Variants in PDZD9 observed in about 807,000 individuals in gnomAD.
The protein encoded by PDZD9 is PDZ domain containing 9, also known as PDZ domain-containing protein 9.
Under a neutral mutation model 16.3 loss-of-function variants are expected in PDZD9, and 13 were observed. That is an observed-to-expected ratio of 0.80 (90% CI 0.52 to 1.27). The LOEUF is 1.27. PDZD9 is among the 50% of genes most tolerant of loss of function. PDZD9 has a pLI of 0.00. For missense variants in PDZD9, 288 were observed against 310.9 expected (o/e 0.93, Z 0.55); for synonymous variants, 120 against 111.0 (o/e 1.08, Z -0.51).
chr16:21,992,793 C>G (rs1341448632), intron 2 of PDZD9, among the ~76,000 whole-genome samples: 1 of 152,114 alleles, frequency 6.6e-6, no homozygotes, highest in East Asian at 1.9e-4. Context: ...CCCTGCTCTT[C>G]AGCTTGCAGA....
chr16:21,971,938 A>G, the PDZD9 span: 1 of 1,614,162 alleles, frequency 6.2e-7, no homozygotes, highest in Non-Finnish European at 8.5e-7. Flanking sequence ...ATCCGAGAAC[A>G]GAATGGAGAC....
chr16:21,976,104 T>A, the PDZD9 span: 1 of 1,125,626 alleles, frequency 8.9e-7, no homozygotes, highest in Non-Finnish European at 1.3e-6. Context: ...TAAAGAAGTG[T>A]GTCAGTGCTG....
the PDZD9 span, among the ~76,000 whole-genome samples, chr16:21,963,718 C>G: frequency 6.6e-6 from 1 of 152,124 alleles, no homozygotes; most frequent in Admixed American, 6.5e-5. Context: ...ATCCTCCCAC[C>G]TCAGCTTCCC....
At chr16:21,982,206 C>T (rs1898748964), downstream of PDZD9, among the ~76,000 whole-genome samples, 1 of 152,054 alleles carries the variant, frequency 6.6e-6, no homozygotes, top group African/African-American at 2.4e-5. Flanking sequence ...CCCAACCCGA[C>T]TGCTTCCACC....
chr16:21,967,994 T>C, the PDZD9 span, among the ~76,000 whole-genome samples: 1 of 151,798 alleles, frequency 6.6e-6, no homozygotes, highest in African/African-American at 2.4e-5. Flanking sequence ...TAATTTCTTT[T>C]TATTCCTTTT....
In PDZD9 at chr16:21,984,548, C is replaced by T; in HGVS notation, c.514G>A (p.Val172Met). Residue 172 changes from valine to methionine, a missense_variant, in exon 4 of 4, where the codon GTG becomes ATG. Transcript: ENST00000424898. ...ATTGGTCTCCTTGCAGGGTGATGCA[C>T]AGTTGACCACGGATATCTATAATAT... ...LQYYRYPWSTVHHPARRPISI... is the reference protein window; with the variant it reads ...LQYYRYPWSTMHHPARRPISI... The T allele has an allele frequency of 6.3e-7, 1 of 1,596,372 alleles. No homozygotes were observed.
chr16:21,987,576 G>A (rs1597976369), intron 3 of PDZD9, among the ~76,000 whole-genome samples: 1 of 152,214 alleles, frequency 6.6e-6, no homozygotes, highest in African/African-American at 2.4e-5. Flanking sequence ...GGAGTGTGGT[G>A]TCACAGAAGC....
intron 3 of PDZD9, among the ~76,000 whole-genome samples, chr16:21,984,936 G>A (rs764711749): frequency 6.6e-6 from 1 of 152,160 alleles, no homozygotes; most frequent in Non-Finnish European, 1.5e-5. Flanking sequence ...ATATTAGGAG[G>A]TGTTAAAGGG....
Position 21,991,248 on chromosome 16 carries a change from T to C in PDZD9, c.212-2457A>G, listed in dbSNP as rs1481742094. Among the ~76,000 whole-genome samples, 5 of 151,738 alleles carry C rather than the reference T, an allele frequency of 3.3e-5. No homozygotes were observed. In the South Asian group the frequency reaches 6.2e-4, roughly 19 times the overall value. ...CTACATTAATTTCTTTTTTTTTTTT[T>C]CTCCTGAGACAGGGTCTCACTTTGT... On this transcript the variant is annotated intron_variant, in intron 2 of 3. Transcript: ENST00000424898.
chr16:21,961,201 A>G, the PDZD9 span: 2 of 283,262 alleles, frequency 7.1e-6, no homozygotes, highest in South Asian at 2.9e-5. Context: ...AGGAGTATAA[A>G]TTGATACAAC....
chr16:21,967,770 G>T, the PDZD9 span, among the ~76,000 whole-genome samples: 1 of 152,136 alleles, frequency 6.6e-6, no homozygotes, highest in Non-Finnish European at 1.5e-5. Context: ...CCCTGGTATA[G>T]ACAATGACTT....
downstream of PDZD9, chr16:21,983,273 C>A: frequency 9.4e-7 from 1 of 1,060,052 alleles, no homozygotes; most frequent in Non-Finnish European, 1.4e-6. Flanking sequence ...GTCTTTTTTC[C>A]AGTGAGGTAA....
At chr16:21,971,264 C>A in the PDZD9 span, among the ~76,000 whole-genome samples, 1 of 151,918 alleles carries the variant, frequency 6.6e-6, no homozygotes, top group East Asian at 1.9e-4. Context: ...AGAATGATAC[C>A]ATTTTAGAAA....
At chr16:21,995,698 A>G (rs1899131758) in intron 2 of PDZD9, among the ~76,000 whole-genome samples, 2 of 152,102 alleles carry the variant, frequency 1.3e-5, no homozygotes, top group African/African-American at 2.4e-5. Context: ...CCCGGGTTCA[A>G]GAGATTCTCC....
chr16:21,964,195 G>A, the PDZD9 span, among the ~76,000 whole-genome samples: 1 of 152,118 alleles, frequency 6.6e-6, no homozygotes, highest in African/African-American at 2.4e-5. Context: ...TGTTGCTCAG[G>A]ATTTCTACTG....
chr16:21,996,557 T>C, intron 1 of PDZD9, 56 bp from the exon 2 acceptor site: 1 of 1,443,548 alleles, frequency 6.9e-7, no homozygotes, highest in Non-Finnish European at 9.3e-7. Context: ...AGCATGGCCA[T>C]ACCTACTGGG....
intron 2 of PDZD9, among the ~76,000 whole-genome samples, chr16:21,993,413 A>G (rs986493848): frequency 6.6e-6 from 1 of 152,158 alleles, no homozygotes; most frequent in Non-Finnish European, 1.5e-5. Context: ...TGTTCTGGTA[A>G]GTCCAGAACT....
At chr16:21,995,450 C>T (rs527661355) in intron 2 of PDZD9, 38 of 306,540 alleles carry the variant, frequency 1.2e-4, no homozygotes, top group Admixed American at 6.3e-4. Flanking sequence ...CTGGCATCAA[C>T]GGATCCTCCC....
chr16:21,959,366 G>T, the PDZD9 span: 1 of 276,122 alleles, frequency 3.6e-6, no homozygotes, highest in South Asian at 3.6e-5. Context: ...ACCAGGAGCA[G>T]ATTCTATCTC....
Sources: gnomAD v4.1 joint callset for allele counts (sites outside exome capture counted in the v4.1 genomes callset) on GRCh38, gnomAD v4.1.1 for gene constraint, MANE v1.5 for transcripts, NCBI Gene and HGNC (gene_info 2026-07-23, HGNC 2026-07-21) for gene names.